SLC26A9: variants seen among roughly 807,000 people sequenced by gnomAD.
The protein encoded by SLC26A9 is solute carrier family 26 member 9, also known as anion transporter/exchanger protein 9.
SLC26A9 carries 46 observed loss-of-function variants against 87.1 expected under a neutral mutation model. The observed-to-expected ratio is 0.53, with a 90% CI of 0.42 to 0.67. The LOEUF is 0.67. Ranked by LOEUF, SLC26A9 falls within the 30% of genes least tolerant of loss-of-function variation. SLC26A9 has a pLI of 0.00. For synonymous variants in SLC26A9, 437 were observed against 409.1 expected (o/e 1.07, Z -0.82); for missense variants, 927 against 1,018.3 (o/e 0.91, Z 1.22).
At chr1:205,937,189 C>T (rs60733130) in intron 1 of SLC26A9, among the ~76,000 whole-genome samples, 165 of 151,676 alleles carry the variant, frequency 1.1e-3, no homozygotes, top group South Asian at 8.4e-3. Context: ...TCCCAAGGTC[C>T]ACTTGAACTA....
At position 205,927,968 on chromosome 1, in the gene SLC26A9, G is replaced by GT; in HGVS notation, c.1034dup (p.Tyr345Ter). ...GTAFSLAIVS[Y>*]VINLAMGRTL... ...TCCGGCCCATAGCCAGGTTGATGAC[G>GT]TAGCTCACGATGGCTAGGGAGAAGG... The change falls in exon 9 of 21, where the codon TAC (tyrosine) becomes TAAC (stop). Residue 345 changes from tyrosine (Y) to a stop codon, truncating the protein, a stop_gained and frameshift_variant. Transcript: ENST00000367135. LOFTEE classifies it high-confidence loss of function. The GT allele has an allele frequency of 6.2e-7, 1 of 1,614,198 alleles. No individual in the cohort carries two copies.
chr1:205,929,854 G>T, intron 6 of SLC26A9, 38 bp downstream of exon 6: 1 of 1,559,514 alleles, frequency 6.4e-7, no homozygotes, highest in Non-Finnish European at 8.7e-7. Flanking sequence ...GTCTGCTGGA[G>T]CCTTGCTCCA....
chr1:205,920,048 G>GCAGCAAGC, intron 18 of SLC26A9, 128 bp downstream of exon 18: 1 of 992,570 alleles, frequency 1.0e-6, no homozygotes, highest in Non-Finnish European at 1.6e-6. Flanking sequence ...TTATGAGCAG[G>GCAGCAAGC]CAGCAGCTTG....
chr1:205,939,913 C>A (rs1458118968), intron 1 of SLC26A9, among the ~76,000 whole-genome samples: 4 of 152,134 alleles, frequency 2.6e-5, no homozygotes, highest in African/African-American at 9.7e-5. Context: ...ATCTACAAGC[C>A]CTGCCCCCAC....
rs972347329 is a variant in SLC26A9 at position 205,915,311 on chromosome 1, C to T, written c.*46G>A. On this transcript the variant is annotated 3_prime_UTR_variant, in exon 21 of 21. Transcript: ENST00000367135. ...CCCAGGCTCATCCTTTATGGAAGTCCCAAGTGCCAGGCACTCTGTAGGCAG... is the reference window on the plus strand; with the variant it reads ...CCCAGGCTCATCCTTTATGGAAGTCTCAAGTGCCAGGCACTCTGTAGGCAG... 17 of 1,613,420 alleles carry T rather than the reference C, an allele frequency of 1.1e-5. No individual in the cohort carries two copies. The highest frequency in any genetic ancestry group is 1.4e-5 in the Non-Finnish European group (16 of 1,179,642).
At chr1:205,920,033 A>G in intron 18 of SLC26A9, 143 bp downstream of exon 18, 1 of 854,344 alleles carries the variant, frequency 1.2e-6, no homozygotes, top group East Asian at 2.6e-5. Flanking sequence ...TTGTACCTGA[A>G]GCTTTTATGA....
In SLC26A9 at chr1:205,915,245, T is replaced by C. The variant is rs377312566; in HGVS notation, c.*112A>G. On this transcript the variant is annotated 3_prime_UTR_variant, in exon 21 of 21. Coordinates refer to ENST00000367135, the MANE Select transcript of SLC26A9 (RefSeq NM_052934.4). ...GGGGAGAGGAGAGAGGAACCCAAGCTCTGGGGGATGCACTTTCCTCCGCCC... is the reference window on the plus strand; with the variant it reads ...GGGGAGAGGAGAGAGGAACCCAAGCCCTGGGGGATGCACTTTCCTCCGCCC... The C allele has an allele frequency of 4.6e-5, 73 of 1,599,660 alleles. No homozygotes were observed. In the African/African-American group the frequency reaches 8.3e-4, roughly 18 times the overall value.
chr1:205,921,559 G>T lies in SLC26A9; in HGVS notation c.2055+7C>A, dbSNP rs1200167551. 1 of 1,604,758 alleles carries T rather than the reference G, an allele frequency of 6.2e-7. No individual in the cohort carries two copies. Among genetic ancestry groups the T allele is most frequent in the Non-Finnish European group, 8.5e-7 (1 of 1,178,394 alleles). On this transcript the variant is annotated splice_region_variant and intron_variant, in intron 17 of 20. Coordinates refer to ENST00000367135, the MANE Select transcript of SLC26A9 (RefSeq NM_052934.4). Reference sequence around the variant, plus strand: ...TGGGTGGTGCTTGCTGTTCCCGAGGGCCTCACCTTGGCCAGGGCCTTGATG... The same window carrying T: ...TGGGTGGTGCTTGCTGTTCCCGAGGTCCTCACCTTGGCCAGGGCCTTGATG...
At chr1:205,931,465 G>GTTTTTTTTTGTTTTTT (rs1659301135) in intron 5 of SLC26A9, among the ~76,000 whole-genome samples, 1 of 96,012 alleles carries the variant, frequency 1.0e-5, no homozygotes. Flanking sequence ...CCCTAACTTG[G>GTTTTTTTTTGTTTTTT]TTTTTTTTTT....
chr1:205,922,738 A>G (rs896332765), intron 16 of SLC26A9, among the ~76,000 whole-genome samples: 1 of 152,170 alleles, frequency 6.6e-6, no homozygotes, highest in Non-Finnish European at 1.5e-5. Flanking sequence ...CCCAATATCT[A>G]CTAAAAATAC....
rs145710868 is a variant in SLC26A9 at position 205,923,351 on chromosome 1, T to C, written c.1643A>G (p.Gln548Arg). 6.2e-7 allele frequency: 1 copy of C among 1,614,096 alleles called. No homozygotes were observed. The highest frequency in any genetic ancestry group is 1.3e-5 in the African/African-American group (1 of 74,920). ...LYFANSEIFRQKVIAKTGMDP... is the reference protein window; with the variant it reads ...LYFANSEIFRRKVIAKTGMDP... ...GAGCCTTACCTTGGCGATGACCTTTTGCCTGAAGATCTCTGAGTTGGCAAA... is the reference window on the plus strand; with the variant it reads ...GAGCCTTACCTTGGCGATGACCTTTCGCCTGAAGATCTCTGAGTTGGCAAA... Residue 548 changes from glutamine to arginine, a missense_variant, in exon 15 of 21, where the codon CAA becomes CGA. By Grantham distance (43) the Gln-to-Arg change is conservative. Transcript: ENST00000367135.
intron 17 of SLC26A9, among the ~76,000 whole-genome samples, 153 bp downstream of exon 17, chr1:205,921,413 G>A (rs541176003): frequency 2.0e-5 from 3 of 152,192 alleles, no homozygotes; most frequent in Admixed American, 6.5e-5. Flanking sequence ...ACCTGGTGGC[G>A]TCTGGGGAAA....
At chr1:205,927,764 G>T in intron 9 of SLC26A9, 138 bp downstream of exon 9, 1 of 1,452,276 alleles carries the variant, frequency 6.9e-7, no homozygotes, top group Non-Finnish European at 9.4e-7. Flanking sequence ...CAGCCTCTTA[G>T]GGTCAGAGGA....
chr1:205,920,229 A>T lies in SLC26A9; in HGVS notation c.2057T>A (p.Leu686Gln). 2 of 1,614,036 alleles carry T rather than the reference A, an allele frequency of 1.2e-6. No individual in the cohort carries two copies. The highest frequency in any genetic ancestry group is 1.7e-6 in the Non-Finnish European group (2 of 1,179,876). The change falls in exon 18 of 21, where the codon CTG becomes CAG. Residue 686 changes from leucine to glutamine, a missense_variant and splice_region_variant. By Grantham distance (113) the Leu-to-Gln change is moderately radical. Transcript: ENST00000367135. The stretch of plus-strand genomic sequence containing the variant: ...GCCGATCTTCCCATAGGTGGAGCTC[A>T]GCTAGAAGTGTTGTTGGGGTAGGGA... The part of the protein sequence containing the change: ...DLMGIKALAK[L>Q]SSTYGKIGVK...
chr1:205,914,910 G>A lies in SLC26A9; in HGVS notation c.*447C>T. ...TTTATCCCTATGTCCGTGACAGCCT[G>A]ACACCATCTGACACCGAGCCGTGTG... is the stretch of plus-strand genomic sequence containing the variant. On this transcript the variant is annotated 3_prime_UTR_variant, in exon 21 of 21. Coordinates refer to ENST00000367135, the MANE Select transcript of SLC26A9 (RefSeq NM_052934.4). The A allele has an allele frequency of 1.2e-6, 2 of 1,613,146 alleles. No homozygotes were observed. Among genetic ancestry groups the A allele is most frequent in the Non-Finnish European group, 1.7e-6 (2 of 1,179,394 alleles).
rs1269806479 is a variant in SLC26A9 at position 205,914,761 on chromosome 1, A to G, written c.*596T>C. 8.8e-7 allele frequency: 1 copy of G among 1,139,310 alleles called. No individual in the cohort carries two copies. Among genetic ancestry groups the G allele is most frequent in the Non-Finnish European group, 1.2e-6 (1 of 802,592 alleles). 70.6% of individuals were successfully genotyped at this position (1,139,310 alleles called of 1,614,324 possible). Reference sequence around the variant, plus strand: ...GTTTGGGCAGCCTTGGGGATGATGGAGGGGGGGCGCATAGTTACCAAGGCC... The same window carrying G: ...GTTTGGGCAGCCTTGGGGATGATGGGGGGGGGGCGCATAGTTACCAAGGCC... On this transcript the variant is annotated 3_prime_UTR_variant, in exon 21 of 21. Transcript: ENST00000367135.
Position 205,917,266 on chromosome 1 carries a change from C to T in SLC26A9, c.2328+17G>A, listed in dbSNP as rs1359996923. On this transcript the variant is annotated intron_variant, in intron 20 of 20. Coordinates refer to ENST00000367135, the MANE Select transcript of SLC26A9 (RefSeq NM_052934.4). ...TTCGCCCTGCTCCCACCCTCACAGC[C>T]CCTTCCCTCAGCTCACCTGCTCTAA... The T allele has an allele frequency of 6.2e-7, 1 of 1,613,760 alleles. No homozygotes were observed. Among genetic ancestry groups the T allele is most frequent in the African/African-American group, 1.3e-5 (1 of 74,866 alleles).
At chr1:205,942,808 C>A (rs190601232) in intron 1 of SLC26A9, among the ~76,000 whole-genome samples, 344 of 152,348 alleles carry the variant, frequency 2.3e-3, no homozygotes, top group Non-Finnish European at 3.4e-3. Context: ...CCCTCCACCT[C>A]TTCCAACTTC....
chr1:205,927,621 A>C lies in SLC26A9; in HGVS notation c.1102-16T>G, dbSNP rs774669771. 1 of 1,608,234 alleles carries C rather than the reference A, an allele frequency of 6.2e-7. No individual in the cohort carries two copies. On this transcript the variant is annotated splice_polypyrimidine_tract_variant and intron_variant, in intron 9 of 20. Coordinates refer to ENST00000367135, the MANE Select transcript of SLC26A9 (RefSeq NM_052934.4). ...CGATCATCTCCTGCAGGGAGGGGAC[A>C]GGATTAGAAGCCAGTGTGGGGCTGG...
Sources: gnomAD v4.1 joint callset for allele counts (sites outside exome capture counted in the v4.1 genomes callset) on GRCh38, gnomAD v4.1.1 for gene constraint, MANE v1.5 for transcripts, NCBI Gene and HGNC (gene_info 2026-07-23, HGNC 2026-07-21) for gene names.